MAK: variants seen among roughly 807,000 people sequenced by gnomAD.
MAK encodes the protein male germ cell associated kinase.
MAK carries 65 observed loss-of-function variants against 82.6 expected under a neutral mutation model. The ratio of observed to expected loss-of-function variants is 0.79; its 90% CI spans 0.64 to 0.97. The LOEUF is 0.97. Among genes scored for constraint, MAK ranks in the 50% least tolerant of loss-of-function variants. The pLI, the probability that MAK is intolerant of heterozygous loss-of-function variation, is 0.00. For synonymous variants in MAK, 250 were observed against 274.2 expected, an observed-to-expected ratio of 0.91 and a Z score of 0.87; for missense variants, 703 against 780.2, an observed-to-expected ratio of 0.90 and a Z score of 1.18.
intron 11 of MAK, among the ~76,000 whole-genome samples, chr6:10,782,114 G>A (rs1774030677): frequency 6.6e-6 from 1 of 151,870 alleles, no homozygotes; most frequent in East Asian, 1.9e-4. Flanking sequence ...GGCTGAGGCA[G>A]GAGAATCGCT....
chr6:10,775,364 C>T lies in MAK; in HGVS notation c.1561G>A (p.Val521Ile), dbSNP rs990185904. The change falls in exon 12 of 15, where the codon GTT becomes ATT. Residue 521 changes from valine (V) to isoleucine (I), a missense_variant. Transcript: ENST00000354489. ...NQLFPKSLGP[V>I]GAELAFKRSN... Reference sequence around the variant, plus strand: ...CTTTTGAAAGCAAGTTCTGCCCCAACGGGTCCCAGTGACTTGGGGAATAAC... The same window carrying T: ...CTTTTGAAAGCAAGTTCTGCCCCAATGGGTCCCAGTGACTTGGGGAATAAC... The T allele has an allele frequency of 1.9e-5, 31 of 1,613,860 alleles. No individual in the cohort carries two copies. Among genetic ancestry groups the T allele is most frequent in the Middle Eastern group, 1.7e-4 (1 of 6,058 alleles).
At position 10,764,718 on chromosome 6, in the gene MAK, G is replaced by C. The variant is rs144751992; in HGVS notation, c.1793-112C>G. ...GGAAAATCTGAATTTATGTTTAAAA[G>C]ATTAACTCAGTACTCTCTGAGGCTT... is the stretch of plus-strand genomic sequence containing the variant. On this transcript the variant is annotated intron_variant, in intron 14 of 14. Transcript: ENST00000354489. The C allele has an allele frequency of 2.5e-4, 262 of 1,055,392 alleles. 1 individual carries two copies. The African/African-American group carries it at 3.7e-3, about 15-fold the overall frequency. 65.4% of individuals were successfully genotyped at this position (1,055,392 alleles called of 1,614,324 possible). A position where few individuals can be genotyped will look rare whatever the true frequency, so the allele number is the denominator to read the frequency against.
At chr6:10,773,321 T>G (rs1773183375) in intron 12 of MAK, among the ~76,000 whole-genome samples, 1 of 152,212 alleles carries the variant, frequency 6.6e-6, no homozygotes, top group African/African-American at 2.4e-5. Flanking sequence ...ATTGAATTTG[T>G]GTAACTGGTT....
At chr6:10,787,858 CAAAA>C (rs56983445) in intron 10 of MAK, among the ~76,000 whole-genome samples, 22 of 129,834 alleles carry the variant, frequency 1.7e-4, no homozygotes, top group East Asian at 2.3e-4. Flanking sequence ...GAGACTGTCT[CAAAA>C]AAAAAAAAAA....
At chr6:10,766,932 G>T (rs1266649601) in intron 14 of MAK, among the ~76,000 whole-genome samples, 1 of 152,212 alleles carries the variant, frequency 6.6e-6, no homozygotes, top group Non-Finnish European at 1.5e-5. Context: ...TTGCTAAGAA[G>T]GGGGTAGTGT....
rs1363812315 is a variant in MAK at position 10,775,196 on chromosome 6, A to G, written c.1597+132T>C. The G allele has an allele frequency of 5.0e-6, 5 of 1,004,284 alleles. No homozygotes were observed. In the Admixed American group the frequency reaches 7.1e-5, roughly 14 times the overall value. The allele number at this position is 1,004,284 out of a possible 1,614,324, so 62.2% of individuals were successfully genotyped here. On this transcript the variant is annotated intron_variant, in intron 12 of 14. Transcript: ENST00000354489. ...GCAGAGCAGGGCTACCCATAGGCAG[A>G]GTGTAGTGGAAAACCTTTGTGTATC... is the stretch of plus-strand genomic sequence containing the variant.
In MAK at chr6:10,800,164, G is replaced by T. The variant is rs1775904974; in HGVS notation, c.831+1728C>A. 6.6e-6 allele frequency among the ~76,000 whole-genome samples: 1 copy of T among 152,144 alleles called. No homozygotes were observed. The highest frequency in any genetic ancestry group is 2.1e-4 in the South Asian group (1 of 4,830). On this transcript the variant is annotated intron_variant, in intron 8 of 14. Coordinates refer to ENST00000354489, the MANE Select transcript of MAK (RefSeq NM_001242957.3). The surrounding 1 kb of genome is among the most constrained non-coding windows in gnomAD (Gnocchi z 4.2). ...ACCTGCAATCCCAGCAACTCGGGAG[G>T]CTGAGGCAGGAGAATCGCCTGAACC... is the stretch of plus-strand genomic sequence containing the variant.
At chr6:10,808,086 T>C (rs2127563754) in intron 6 of MAK, among the ~76,000 whole-genome samples, 1 of 151,902 alleles carries the variant, frequency 6.6e-6, no homozygotes, top group Non-Finnish European at 1.5e-5. Context: ...AAGAAAGACA[T>C]GCTATCAGCA....
chr6:10,803,075 A>G (rs1294373430), intron 7 of MAK, among the ~76,000 whole-genome samples: 4 of 152,212 alleles, frequency 2.6e-5, no homozygotes, highest in South Asian at 2.1e-4. Context: ...TGAGCAGGAA[A>G]GAGCTCAAGC....
At chr6:10,833,048 G>C (rs150676347) in intron 1 of MAK, among the ~76,000 whole-genome samples, 44 of 152,248 alleles carry the variant, frequency 2.9e-4, no homozygotes, top group African/African-American at 1.0e-3. Flanking sequence ...TTCATTCAAA[G>C]AATATTTTTC....
intron 2 of MAK, among the ~76,000 whole-genome samples, chr6:10,820,748 G>A (rs981136018): frequency 6.6e-6 from 1 of 152,084 alleles, no homozygotes; most frequent in East Asian, 1.9e-4. Context: ...TGAAATGGGG[G>A]TTTACTAGCT....
intron 8 of MAK, chr6:10,797,923 C>T: frequency 8.0e-7 from 1 of 1,253,870 alleles, no homozygotes; most frequent in South Asian, 1.3e-5. Context: ...CTTGCATTCT[C>T]AGTGGAATAC....
chr6:10,785,796 A>T (rs932229772), intron 10 of MAK, among the ~76,000 whole-genome samples: 15 of 152,346 alleles, frequency 9.8e-5, no homozygotes, highest in African/African-American at 3.6e-4. Flanking sequence ...CACACTTGTC[A>T]TGTGTTATAG....
At chr6:10,779,466 C>T (rs1432924560) in intron 11 of MAK, 17 of 985,168 alleles carry the variant, frequency 1.7e-5, no homozygotes, top group South Asian at 4.7e-5. Context: ...GTCACAGATC[C>T]GCCAGTCCTT....
intron 10 of MAK, among the ~76,000 whole-genome samples, chr6:10,785,121 C>T (rs1048295321): frequency 1.3e-5 from 2 of 152,150 alleles, no homozygotes; most frequent in African/African-American, 4.8e-5. Context: ...CTAAGCACCT[C>T]GCTAGCTGTT....
chr6:10,813,516 T>A (rs1159686160), intron 5 of MAK, 128 bp downstream of exon 5: 1 of 662,840 alleles, frequency 1.5e-6, no homozygotes, highest in Admixed American at 2.4e-5. Context: ...AATGTCAGTG[T>A]GTATAGGCAC....
At position 10,803,754 on chromosome 6, in the gene MAK, A is replaced by C. The variant is rs1389203511; in HGVS notation, c.629T>G (p.Phe210Cys). The C allele has an allele frequency of 1.2e-6, 2 of 1,614,122 alleles. No individual in the cohort carries two copies. Among genetic ancestry groups the C allele is most frequent in the Admixed American group, 3.3e-5 (2 of 60,004 alleles). Reference sequence around the variant, plus strand: ...AGTCCCTAAAACTTGGCAAATTTTAAAGATTTCATCGACCTCACTTGTCCC... The same window carrying C: ...AGTCCCTAAAACTTGGCAAATTTTACAGATTTCATCGACCTCACTTGTCCC... ...FPGTSEVDEIFKICQVLGTPK... is the reference protein window; with the variant it reads ...FPGTSEVDEICKICQVLGTPK... The change falls in exon 7 of 15, where the codon TTT (phenylalanine) becomes TGT (cysteine). Residue 210 changes from phenylalanine to cysteine, a missense_variant. Coordinates refer to ENST00000354489, the MANE Select transcript of MAK (RefSeq NM_001242957.3).
At chr6:10,785,987 G>A (rs1409575864) in intron 10 of MAK, among the ~76,000 whole-genome samples, 2 of 152,218 alleles carry the variant, frequency 1.3e-5, no homozygotes, top group East Asian at 3.9e-4. Flanking sequence ...GCTCACGCCT[G>A]TAATTCTAGC....
intron 2 of MAK, among the ~76,000 whole-genome samples, chr6:10,824,715 T>C (rs965787282): frequency 6.6e-6 from 1 of 152,152 alleles, no homozygotes; most frequent in African/African-American, 2.4e-5. Flanking sequence ...GGCAACCCCT[T>C]TGTGGCTTTC....
Sources: gnomAD v4.1 joint callset for allele counts (sites outside exome capture counted in the v4.1 genomes callset) on GRCh38, gnomAD v4.1.1 for gene constraint, Gnocchi (gnomAD v3.1) non-coding constraint, MANE v1.5 for transcripts, NCBI Gene and HGNC (gene_info 2026-07-23, HGNC 2026-07-21) for gene names.